DOCK7: variants seen among roughly 807,000 people sequenced by gnomAD.
DOCK7 encodes the protein dedicator of cytokinesis protein 7.
DOCK7 carries 138 observed loss-of-function variants against 271.0 expected under a neutral mutation model. The observed-to-expected ratio is 0.51, with a 90% CI of 0.44 to 0.59. DOCK7 has a LOEUF of 0.59. DOCK7 is among the 20% of genes least tolerant of loss of function. The probability of loss-of-function intolerance (pLI) is 0.00; values close to 1 mark genes in which losing one functional copy is unlikely to be tolerated. For missense variants in DOCK7, 2,066 were observed against 2,592.4 expected, an observed-to-expected ratio of 0.80 and a Z score of 4.41; for synonymous variants, 823 against 876.1, an observed-to-expected ratio of 0.94 and a Z score of 1.07.
Position 62,570,851 on chromosome 1 carries a change from A to G in DOCK7, c.2112+6411T>C, listed in dbSNP as rs188956268. On this transcript the variant is annotated intron_variant, in intron 18 of 49. Transcript: ENST00000635253. Reference sequence around the variant, plus strand: ...ATGGTGCTGTGAGAACTGGCTAGCCATATGCAGAAAACTGAGACTAGACCC... The same window carrying G: ...ATGGTGCTGTGAGAACTGGCTAGCCGTATGCAGAAAACTGAGACTAGACCC... Among the ~76,000 whole-genome samples, 10 of 152,326 alleles carry G rather than the reference A, an allele frequency of 6.6e-5. No individual in the cohort carries two copies. The East Asian group carries it at 1.9e-3, about 29-fold the overall frequency.
At chr1:62,626,203 A>G (rs1188311108) in intron 11 of DOCK7, among the ~76,000 whole-genome samples, 9 of 152,168 alleles carry the variant, frequency 5.9e-5, no homozygotes, top group Admixed American at 5.9e-4. Context: ...AAATGCAAGA[A>G]CAACATACCA....
intron 14 of DOCK7, among the ~76,000 whole-genome samples, chr1:62,589,263 G>T (rs1044761188): frequency 2.0e-5 from 3 of 152,058 alleles, no homozygotes; most frequent in African/African-American, 7.2e-5. Flanking sequence ...CTCCAAAAAC[G>T]ATCAATTACA....
At chr1:62,620,883 CA>C (rs767181280) in intron 12 of DOCK7, among the ~76,000 whole-genome samples, 2,745 of 31,122 alleles carry the variant, frequency 0.088, 38 homozygotes, top group African/African-American at 0.2. Flanking sequence ...GACTCCGTCT[CA>C]AAAAAAAAAA....
intron 40 of DOCK7, among the ~76,000 whole-genome samples, chr1:62,493,330 T>C (rs1011234399): frequency 6.6e-5 from 10 of 152,162 alleles, no homozygotes; most frequent in Non-Finnish European, 8.8e-5. Context: ...GATACATACA[T>C]ACCCTATTTT....
chr1:62,523,430 T>C (rs1348907430), intron 31 of DOCK7, among the ~76,000 whole-genome samples: 3 of 152,162 alleles, frequency 2.0e-5, no homozygotes, highest in Non-Finnish European at 2.9e-5. Context: ...TCAGGTAGAT[T>C]TTAATTTTAA....
intron 14 of DOCK7, among the ~76,000 whole-genome samples, chr1:62,612,885 T>C (rs1450209128): frequency 6.6e-6 from 1 of 152,202 alleles, no homozygotes; most frequent in Non-Finnish European, 1.5e-5. Flanking sequence ...AACAGGTGAT[T>C]ACAACTAAGG....
intron 12 of DOCK7, among the ~76,000 whole-genome samples, chr1:62,620,354 T>C (rs1354030179): frequency 6.6e-6 from 1 of 151,356 alleles, no homozygotes; most frequent in African/African-American, 2.4e-5. Context: ...AAGATATATA[T>C]ATGATGAAAA....
intron 27 of DOCK7, among the ~76,000 whole-genome samples, chr1:62,539,299 T>C (rs994747284): frequency 2.6e-5 from 4 of 152,204 alleles, no homozygotes; most frequent in African/African-American, 7.2e-5. Flanking sequence ...TAAAGAGTCA[T>C]GAGTAGGCCA....
intron 28 of DOCK7, 103 bp from the exon 29 acceptor site, chr1:62,535,735 AT>A: frequency 8.6e-7 from 1 of 1,162,940 alleles, no homozygotes. Context: ...AGGGTAGTTT[AT>A]TTTATATTAC....
intron 18 of DOCK7, among the ~76,000 whole-genome samples, chr1:62,568,391 C>A (rs533140523): frequency 2.0e-5 from 3 of 151,312 alleles, no homozygotes; most frequent in Non-Finnish European, 4.4e-5. Context: ...ACCTCTGCCT[C>A]CTAGGTTCAA....
At chr1:62,475,661 G>T in intron 46 of DOCK7, 46 bp downstream of exon 46, 1 of 1,524,596 alleles carries the variant, frequency 6.6e-7, no homozygotes, top group Non-Finnish European at 9.1e-7. Flanking sequence ...TACATGGCTT[G>T]AATGTATTTG....
intron 31 of DOCK7, among the ~76,000 whole-genome samples, chr1:62,522,255 A>G (rs1315991288): frequency 6.6e-6 from 1 of 152,088 alleles, no homozygotes; most frequent in East Asian, 1.9e-4. Context: ...AAAGAATATA[A>G]GAAAGAAAAA....
At chr1:62,551,124 A>T (rs1645890268) in intron 22 of DOCK7, among the ~76,000 whole-genome samples, 1 of 152,184 alleles carries the variant, frequency 6.6e-6, no homozygotes, top group African/African-American at 2.4e-5. Flanking sequence ...GAGGATCAAG[A>T]TTAGAGATTG....
At chr1:62,512,378 A>G (rs1295510292) in intron 33 of DOCK7, among the ~76,000 whole-genome samples, 3 of 152,196 alleles carry the variant, frequency 2.0e-5, no homozygotes, top group African/African-American at 7.2e-5. Flanking sequence ...TATAAAGATG[A>G]TAAGATCAGT....
At chr1:62,526,707 T>C (rs1645020197) in intron 31 of DOCK7, among the ~76,000 whole-genome samples, 1 of 152,080 alleles carries the variant, frequency 6.6e-6, no homozygotes, top group Admixed American at 6.5e-5. Context: ...TAAACAAACT[T>C]TGGTGTATCA....
intron 12 of DOCK7, among the ~76,000 whole-genome samples, chr1:62,623,641 G>C (rs908674646): frequency 8.5e-5 from 13 of 152,112 alleles, no homozygotes; most frequent in Non-Finnish European, 1.3e-4. Context: ...TAGAAAGAGG[G>C]GGAAGTAACA....
chr1:62,653,272 T>C (rs1460565140), intron 4 of DOCK7, among the ~76,000 whole-genome samples: 2 of 152,200 alleles, frequency 1.3e-5, no homozygotes, highest in African/African-American at 4.8e-5. Context: ...ATTTACCTGA[T>C]TGGATGTAGA....
chr1:62,582,617 T>G (rs372716524), intron 16 of DOCK7, among the ~76,000 whole-genome samples: 1 of 53,854 alleles, frequency 1.9e-5, no homozygotes, highest in African/African-American at 6.6e-5. Flanking sequence ...AAAAAAAAGA[T>G]AAAATGAATT....
chr1:62,613,440 G>A (rs542077563), intron 14 of DOCK7, among the ~76,000 whole-genome samples: 48 of 152,220 alleles, frequency 3.2e-4, no homozygotes, highest in Admixed American at 9.8e-4. Context: ...CGCGGGGAAC[G>A]ACAGAGTTTG....
Sources: gnomAD v4.1 joint callset for allele counts (sites outside exome capture counted in the v4.1 genomes callset) on GRCh38, gnomAD v4.1.1 for gene constraint, MANE v1.5 for transcripts, NCBI Gene and HGNC (gene_info 2026-07-23, HGNC 2026-07-21) for gene names.